The following IL36G variants were observed in gnomAD, a reference collection of about 807,000 sequenced individuals.
The protein encoded by IL36G is interleukin 36 gamma.
Under a neutral mutation model 13.5 loss-of-function variants are expected in IL36G, and 10 were observed. The observed-to-expected ratio is 0.74, with a 90% CI of 0.46 to 1.26. The LOEUF (loss-of-function observed/expected upper bound fraction) is 1.26. IL36G is among the 50% of genes most tolerant of loss of function. The pLI, the probability that IL36G is intolerant of heterozygous loss-of-function variation, is 0.00. For missense variants in IL36G, 199 were observed against 203.0 expected, an observed-to-expected ratio of 0.98 and a Z score of 0.12; for synonymous variants, 84 against 74.0, an observed-to-expected ratio of 1.13 and a Z score of -0.69.
At chr2:112,980,874 T>G (rs750922742) in intron 4 of IL36G, among the ~76,000 whole-genome samples, 1 of 152,222 alleles carries the variant, frequency 6.6e-6, no homozygotes, top group African/African-American at 2.4e-5. Flanking sequence ...TCTGCCAAGG[T>G]GGCCATGTGT....
Position 112,979,299 on chromosome 2 carries a change from T to C in IL36G, c.134T>C (p.Val45Ala). The C allele has an allele frequency of 6.2e-7, 1 of 1,612,028 alleles. No homozygotes were observed. The highest frequency in any genetic ancestry group is 1.3e-5 in the African/African-American group (1 of 75,020). The stretch of plus-strand genomic sequence containing the variant: ...CTTCAGGGTCAGAACCTTGTGGCAG[T>C]TCCACGAAGTGACAGTGTGACCCCA... ...WTLQGQNLVAVPRSDSVTPVT... is the reference protein window; with the variant it reads ...WTLQGQNLVAAPRSDSVTPVT... The change falls in exon 3 of 5, where the codon GTT (valine) becomes GCT (alanine). Residue 45 changes from valine to alanine, a missense_variant. Physicochemically the swap from Val to Ala is moderately conservative, Grantham distance 64 (BLOSUM62 0). Transcript: ENST00000259205.
intron 4 of IL36G, 30 bp downstream of exon 4, chr2:112,980,178 C>G (rs768832857): frequency 6.3e-7 from 1 of 1,598,346 alleles, no homozygotes; most frequent in South Asian, 1.1e-5. Context: ...ATTTAAAAAG[C>G]CTTTCCTTTT....
chr2:112,980,218 G>T, intron 4 of IL36G, 70 bp downstream of exon 4: 3 of 1,318,914 alleles, frequency 2.3e-6, no homozygotes, highest in Admixed American at 2.2e-5. Flanking sequence ...CCTAATTTTA[G>T]AATTAAAAAA....
chr2:112,979,911 T>C, intron 3 of IL36G, 98 bp from the exon 4 acceptor site: 2 of 1,207,314 alleles, frequency 1.7e-6, no homozygotes, highest in Non-Finnish European at 2.4e-6. Context: ...ACTCTTCAGC[T>C]CTCTTCCAGA....
chr2:112,985,424 A>G lies in IL36G; in HGVS notation c.*375A>G, dbSNP rs1684334367. The G allele has an allele frequency of 5.0e-6, 1 of 201,068 alleles. No individual in the cohort carries two copies. The highest frequency in any genetic ancestry group is 1.0e-5 in the Non-Finnish European group (1 of 97,366). 12.5% of individuals were successfully genotyped at this position (201,068 alleles called of 1,614,324 possible). On this transcript the variant is annotated 3_prime_UTR_variant, in exon 5 of 5. Transcript: ENST00000259205. ...CGATGGCATGACTAGCACAGAGCTG[A>G]TCTCTGTTTCTGTTTTGCTTTATTC...
chr2:112,978,831 G>A (rs1684212139), intron 2 of IL36G, 138 bp downstream of exon 2: 2 of 828,868 alleles, frequency 2.4e-6, no homozygotes, highest in Non-Finnish European at 4.0e-6. Flanking sequence ...CCTACCACTG[G>A]GCCCTGGGCT....
intron 4 of IL36G, among the ~76,000 whole-genome samples, chr2:112,982,816 G>C (rs74797777): frequency 6.6e-6 from 1 of 152,094 alleles, no homozygotes; most frequent in Non-Finnish European, 1.5e-5. Flanking sequence ...GTGCTGTAGT[G>C]GGGGCAAAAG....
intron 4 of IL36G, among the ~76,000 whole-genome samples, chr2:112,980,966 G>C (rs148114603): frequency 6.6e-6 from 1 of 152,168 alleles, no homozygotes; most frequent in Non-Finnish European, 1.5e-5. Flanking sequence ...TCCCCACATC[G>C]ATCCAGCTTT....
chr2:112,984,163 C>A (rs1684311502), intron 4 of IL36G, among the ~76,000 whole-genome samples: 1 of 152,232 alleles, frequency 6.6e-6, no homozygotes, highest in African/African-American at 2.4e-5. Flanking sequence ...GGCTGAATTA[C>A]AGATCATTTC....
At chr2:112,984,294 T>C (rs1042691212) in intron 4 of IL36G, among the ~76,000 whole-genome samples, 2 of 152,262 alleles carry the variant, frequency 1.3e-5, no homozygotes, top group African/African-American at 4.8e-5. Context: ...ATATACAATA[T>C]AGAAGGCATT....
chr2:112,981,368 C>A, intron 4 of IL36G: 1 of 747,974 alleles, frequency 1.3e-6, no homozygotes, highest in Non-Finnish European at 2.4e-6. Flanking sequence ...TGCGGGCCTT[C>A]TCTGTGGTTC....
In IL36G at chr2:112,979,288, C is replaced by T. The variant is rs762507830; in HGVS notation, c.123C>T (p.Asn41=). 6.2e-6 allele frequency: 10 copies of T among 1,613,160 alleles called. No individual in the cohort carries two copies. Among genetic ancestry groups the T allele is most frequent in the Admixed American group, 3.3e-5 (2 of 60,010 alleles). Residue 41 remains asparagine, a synonymous_variant, in exon 3 of 5, where the codon AAC becomes AAT. Transcript: ENST00000259205. ...NQQVWTLQGQ[N]LVAVPRSDSV... is the part of the protein sequence containing the mutation. The stretch of plus-strand genomic sequence containing the variant: ...AAGTGTGGACCCTTCAGGGTCAGAA[C>T]CTTGTGGCAGTTCCACGAAGTGACA...
At chr2:112,980,656 A>G (rs748210688) in intron 4 of IL36G, among the ~76,000 whole-genome samples, 5 of 152,250 alleles carry the variant, frequency 3.3e-5, no homozygotes, top group Non-Finnish European at 7.3e-5. Flanking sequence ...CTGAAGATCC[A>G]CGATCTAGAA....
In IL36G at chr2:112,980,053, C is replaced by A. The variant is rs6707930; in HGVS notation, c.205C>A (p.Gln69Lys). Residue 69 changes from glutamine to lysine, a missense_variant, in exon 4 of 5, where the codon CAA becomes AAA. Coordinates refer to ENST00000259205, the MANE Select transcript of IL36G (RefSeq NM_019618.4). ...ITCKYPEALEQGRGDPIYLGI... is the reference protein window; with the variant it reads ...ITCKYPEALEKGRGDPIYLGI... ...ATGCAAGTATCCAGAGGCTCTTGAG[C>A]AAGGCAGAGGGGATCCCATTTATTT... is the stretch of plus-strand genomic sequence containing the variant. 7.8e-3 allele frequency: 12,560 copies of A among 1,613,726 alleles called. 739 individuals carry two copies. In the African/African-American group the frequency reaches 0.13, roughly 17 times the overall value.
chr2:112,984,816 T>C (rs2105014678), intron 4 of IL36G, 24 bp from the exon 5 acceptor site: 1 of 1,580,606 alleles, frequency 6.3e-7, no homozygotes, highest in East Asian at 2.2e-5. Flanking sequence ...TTTCTCCTAA[T>C]GGGTACTTGT....
At chr2:112,979,192 C>T (rs1684216867) in intron 2 of IL36G, 29 bp from the exon 3 acceptor site, 1 of 1,377,716 alleles carries the variant, frequency 7.3e-7, no homozygotes, top group African/African-American at 1.4e-5. Context: ...TATAATATTT[C>T]TTCATTTTTT....
intron 4 of IL36G, among the ~76,000 whole-genome samples, chr2:112,980,351 TC>T (rs1400804300): frequency 6.6e-6 from 1 of 152,136 alleles, no homozygotes; most frequent in Non-Finnish European, 1.5e-5. Flanking sequence ...TTTTTTTTTT[TC>T]CAAGCCAAAC....
In IL36G at chr2:112,979,319, AC is replaced by A; in HGVS notation, c.158del (p.Pro53GlnfsTer47). The A allele has an allele frequency of 1.3e-6, 2 of 1,598,800 alleles. No individual in the cohort carries two copies. Among genetic ancestry groups the A allele is most frequent in the Non-Finnish European group, 1.7e-6 (2 of 1,166,092 alleles). ...LVAVPRSDSV[T>X]PVTVAVITCK... The stretch of plus-strand genomic sequence containing the variant: ...GGCAGTTCCACGAAGTGACAGTGTG[AC>A]CCCAGGTGAGTGGTCACCCTGTGCC... On this transcript the variant is annotated frameshift_variant, in exon 3 of 5. Coordinates refer to ENST00000259205, the MANE Select transcript of IL36G (RefSeq NM_019618.4). LOFTEE classifies it high-confidence loss of function.
At chr2:112,983,381 C>T (rs539691991) in intron 4 of IL36G, among the ~76,000 whole-genome samples, 3 of 152,220 alleles carry the variant, frequency 2.0e-5, no homozygotes, top group East Asian at 1.9e-4. Context: ...TGAATAAATA[C>T]GCTAAGTTTA....
Sources: gnomAD v4.1 joint callset for allele counts (sites outside exome capture counted in the v4.1 genomes callset) on GRCh38, gnomAD v4.1.1 for gene constraint, MANE v1.5 for transcripts, NCBI Gene and HGNC (gene_info 2026-07-23, HGNC 2026-07-21) for gene names.